Variants in SLC24A3 observed in about 807,000 individuals in gnomAD.
SLC24A3 encodes solute carrier family 24 member 3, also known as sodium/potassium/calcium exchanger 3.
SLC24A3 carries 28 observed loss-of-function variants against 75.8 expected under a neutral mutation model. That is an observed-to-expected ratio of 0.37 (90% confidence interval 0.27 to 0.51). SLC24A3 has a LOEUF of 0.51. Among genes scored for constraint, SLC24A3 ranks in the 20% least tolerant of loss-of-function variants. The pLI is 0.94. For synonymous variants in SLC24A3, 372 were observed against 334.1 expected, an observed-to-expected ratio of 1.11 and a Z score of -1.24; for missense variants, 663 against 847.8, an observed-to-expected ratio of 0.78 and a Z score of 2.71.
chr20:19,650,021 G>A (rs894656948), intron 6 of SLC24A3, among the ~76,000 whole-genome samples: 3 of 152,146 alleles, frequency 2.0e-5, no homozygotes, highest in African/African-American at 7.2e-5. Flanking sequence ...GTAAATCAGA[G>A]GTGGGCATGA....
chr20:19,624,079 T>A (rs2031838576), intron 6 of SLC24A3, among the ~76,000 whole-genome samples: 1 of 152,190 alleles, frequency 6.6e-6, no homozygotes, highest in African/African-American at 2.4e-5. Flanking sequence ...AGATCTCACC[T>A]CCTATTACTA....
intron 2 of SLC24A3, among the ~76,000 whole-genome samples, chr20:19,413,886 A>T (rs1986786798): frequency 6.6e-6 from 1 of 152,244 alleles, no homozygotes; most frequent in Admixed American, 6.5e-5. Context: ...ACAGACAAGC[A>T]TCAAGCTGGG....
At chr20:19,622,425 C>G (rs1194319779) in intron 6 of SLC24A3, among the ~76,000 whole-genome samples, 1 of 152,154 alleles carries the variant, frequency 6.6e-6, no homozygotes, top group East Asian at 1.9e-4. Flanking sequence ...TAGTTCTCTG[C>G]TTGTCATCAA....
rs561943950 is a variant in SLC24A3 at position 19,285,098 on chromosome 20, G to A, written c.271+4011G>A. On this transcript the variant is annotated intron_variant, in intron 2 of 16. Transcript: ENST00000328041. ...GAAAACCAGGAGCACAGAGTGCCCA[G>A]TTTTGGTGCCAGAGAAAGCCCAGGG... is the stretch of plus-strand genomic sequence containing the variant. 1.4e-4 allele frequency among the ~76,000 whole-genome samples: 22 copies of A among 152,250 alleles called. No homozygotes were observed. The South Asian group carries it at 4.4e-3, about 30-fold the overall frequency.
At chr20:19,429,988 G>A (rs577162591) in intron 2 of SLC24A3, among the ~76,000 whole-genome samples, 1 of 152,256 alleles carries the variant, frequency 6.6e-6, no homozygotes, top group East Asian at 1.9e-4. Flanking sequence ...TGAAGGGTGG[G>A]GAGGTAGCCA....
intron 7 of SLC24A3, 60 bp from the exon 8 acceptor site, chr20:19,665,792 CGTGTGTGTGTGT>C (rs58371474): frequency 1.8e-4 from 213 of 1,202,970 alleles, no homozygotes; most frequent in Admixed American, 3.5e-4. Flanking sequence ...AGCCTTAAAG[CGTGTGTGTGTGT>C]GTGTGTGTGT....
chr20:19,711,175 GTACA>G (rs1413242133), intron 15 of SLC24A3, among the ~76,000 whole-genome samples: 3 of 144,638 alleles, frequency 2.1e-5, no homozygotes, highest in African/African-American at 7.7e-5. Flanking sequence ...GCAGGCAAAC[GTACA>G]CACACACGCA....
At chr20:19,346,764 A>G (rs1985438227) in intron 2 of SLC24A3, among the ~76,000 whole-genome samples, 1 of 152,148 alleles carries the variant, frequency 6.6e-6, no homozygotes, top group Admixed American at 6.5e-5. Flanking sequence ...TGATGGGTGC[A>G]CAGAAATCTC....
intron 2 of SLC24A3, among the ~76,000 whole-genome samples, chr20:19,489,458 G>T (rs373808970): frequency 6.6e-6 from 1 of 152,166 alleles, no homozygotes; most frequent in Non-Finnish European, 1.5e-5. Context: ...AGTAGGCTTT[G>T]TTTATAGTTG....
At chr20:19,487,576 A>C (rs891478167) in intron 2 of SLC24A3, among the ~76,000 whole-genome samples, 1 of 152,178 alleles carries the variant, frequency 6.6e-6, no homozygotes, top group Non-Finnish European at 1.5e-5. Flanking sequence ...GCTAATACAT[A>C]TTTGGTGGAC....
chr20:19,392,869 A>G (rs979660694), intron 2 of SLC24A3, among the ~76,000 whole-genome samples: 1 of 152,218 alleles, frequency 6.6e-6, no homozygotes, highest in Non-Finnish European at 1.5e-5. Flanking sequence ...GTTTGCTGAC[A>G]GTAATTGAGT....
rs75711857 is a variant in SLC24A3 at position 19,556,930 on chromosome 20, C to T, written c.349-23070C>T. Among the ~76,000 whole-genome samples the T allele has an allele frequency of 1.8e-3, 281 of 152,262 alleles. 1 individual carries two copies. The highest frequency in any genetic ancestry group is 6.3e-3 in the African/African-American group (261 of 41,534). Reference sequence around the variant, plus strand: ...TTAAAAAAGTATTCATTTCCAGTGGCCTAAAATGTAAAGTCTTCTCCATGG... The same window carrying T: ...TTAAAAAAGTATTCATTTCCAGTGGTCTAAAATGTAAAGTCTTCTCCATGG... On this transcript the variant is annotated intron_variant, in intron 3 of 16. Transcript: ENST00000328041.
chr20:19,330,262 G>T (rs961507151), intron 2 of SLC24A3, among the ~76,000 whole-genome samples: 1 of 152,162 alleles, frequency 6.6e-6, no homozygotes, highest in African/African-American at 2.4e-5. Context: ...AGACTCCTCA[G>T]GGCTGGTTTC....
At position 19,502,351 on chromosome 20, in the gene SLC24A3, G is replaced by A. The variant is rs571876223; in HGVS notation, c.272-13137G>A. Among the ~76,000 whole-genome samples the A allele has an allele frequency of 7.3e-4, 111 of 152,228 alleles. No individual in the cohort carries two copies. In the Middle Eastern group the frequency reaches 0.014, roughly 19 times the overall value. On this transcript the variant is annotated intron_variant, in intron 2 of 16. Transcript: ENST00000328041. ...CTCACATGCTTGGGGATGACTCCAC[G>A]CGGCCCAGGGAAAACAACAGCTGAA...
intron 2 of SLC24A3, among the ~76,000 whole-genome samples, chr20:19,306,604 A>G (rs982153548): frequency 1.3e-5 from 2 of 152,240 alleles, no homozygotes; most frequent in Non-Finnish European, 2.9e-5. Flanking sequence ...GCAAGAACAG[A>G]AAACCAAATG....
intron 2 of SLC24A3, among the ~76,000 whole-genome samples, chr20:19,475,584 C>T (rs1987949137): frequency 6.6e-6 from 1 of 152,082 alleles, no homozygotes; most frequent in Non-Finnish European, 1.5e-5. Flanking sequence ...AGTTACTGGA[C>T]ATGACCAGTT....
At chr20:19,408,826 G>C (rs981223915) in intron 2 of SLC24A3, among the ~76,000 whole-genome samples, 45 of 152,176 alleles carry the variant, frequency 3.0e-4, no homozygotes, top group African/African-American at 1.0e-3. Context: ...TGGAAATAAA[G>C]GACATCCATA....
chr20:19,295,823 G>A (rs1178581955), intron 2 of SLC24A3, among the ~76,000 whole-genome samples: 1 of 150,948 alleles, frequency 6.6e-6, no homozygotes, highest in African/African-American at 2.4e-5. Context: ...TTTTTTTGTT[G>A]TTGTTGTATC....
intron 2 of SLC24A3, among the ~76,000 whole-genome samples, chr20:19,442,240 T>C (rs1291502377): frequency 2.0e-5 from 3 of 152,232 alleles, no homozygotes; most frequent in African/African-American, 4.8e-5. Flanking sequence ...AATTGCCTGA[T>C]CAATCATATG....
Sources: allele counts gnomAD v4.1 joint callset (sites outside exome capture counted in the v4.1 genomes callset), GRCh38; gene constraint gnomAD v4.1.1; transcripts MANE v1.5; gene names NCBI Gene and HGNC (gene_info 2026-07-23, HGNC 2026-07-21).